Variants in PDE4A observed in about 807,000 individuals in gnomAD.
PDE4A encodes the protein 3',5'-cyclic-AMP phosphodiesterase 4A.
A neutral mutation model predicts 73.9 loss-of-function variants in PDE4A; 21 were observed. That is an observed-to-expected ratio of 0.28 (90% CI 0.20 to 0.41). The LOEUF (loss-of-function observed/expected upper bound fraction) is 0.41. Ranked by LOEUF, PDE4A falls within the 10% of genes least tolerant of loss-of-function variation. The pLI, the probability that PDE4A is intolerant of heterozygous loss-of-function variation, is 1.00. For missense variants in PDE4A, 958 were observed against 1,211.4 expected (o/e 0.79, Z 3.10); for synonymous variants, 463 against 505.4 (o/e 0.92, Z 1.13).
upstream of PDE4A, chr19:10,416,894 C>G (rs550679018): frequency 8.4e-5 from 129 of 1,535,168 alleles, 3 homozygotes; most frequent in South Asian, 1.0e-3. Flanking sequence ...GAGGCCCTGG[C>G]CCTGCCGACA....
intron 1 of PDE4A, chr19:10,430,715 C>A (rs1272573440): frequency 1.4e-5 from 3 of 211,324 alleles, no homozygotes; most frequent in African/African-American, 2.3e-5. Context: ...CAGCGCGAAG[C>A]CGGAAGGGCC....
At chr19:10,452,403 C>T (rs993285614) in intron 6 of PDE4A, among the ~76,000 whole-genome samples, 7 of 150,700 alleles carry the variant, frequency 4.6e-5, no homozygotes, top group African/African-American at 1.7e-4. Context: ...TGCCATTGCA[C>T]TCCAGCCTGG....
chr19:10,417,535 C>G, upstream of PDE4A: 1 of 1,440,330 alleles, frequency 6.9e-7, no homozygotes, highest in Non-Finnish European at 9.1e-7. Context: ...GTGGCTCACA[C>G]GTGAAGGGGA....
chr19:10,461,988 G>A lies in PDE4A; in HGVS notation c.1732G>A (p.Asp578Asn). 6.2e-7 allele frequency: 1 copy of A among 1,613,318 alleles called. No homozygotes were observed. Among genetic ancestry groups the A allele is most frequent in the Non-Finnish European group, 8.5e-7 (1 of 1,179,572 alleles). The change falls in exon 13 of 15, where the codon GAC becomes AAC. Residue 578 changes from aspartate to asparagine, a missense_variant. Asp to Asn is a conservative substitution (Grantham distance 23). Transcript: ENST00000380702. The part of the protein sequence containing the change: ...SGVLLLDNYS[D>N]RIQVLRNMVH... ...GGTCCTCCTGCTAGATAACTACTCC[G>A]ACCGCATCCAGGTGCCCCCACGCCC...
intron 1 of PDE4A, among the ~76,000 whole-genome samples, chr19:10,434,408 A>G (rs1177146219): frequency 2.6e-5 from 4 of 151,690 alleles, no homozygotes; most frequent in Admixed American, 2.6e-4. Flanking sequence ...GGGTTTCTCT[A>G]TGGTGGCCAG....
In PDE4A at chr19:10,420,933, C is replaced by A. The variant is rs201432982; in HGVS notation, c.169C>A (p.Arg57=). ...CTCCGACAGCGCGGAGCGCGCCGAG[C>A]GGGAGCGGCAGCCGCACCGGCCCAT... ...GYSDSAERAE[R]ERQPHRPIER... is the part of the protein sequence containing the mutation. The change falls in exon 1 of 15, where the codon CGG becomes AGG. Residue 57 remains arginine (R), a synonymous_variant. Coordinates refer to ENST00000380702, the MANE Select transcript of PDE4A (RefSeq NM_001111307.2). The surrounding 1 kb of genome is among the most constrained non-coding windows in gnomAD (Gnocchi z 6.0). The A allele has an allele frequency of 1.3e-6, 2 of 1,574,774 alleles. No homozygotes were observed. Among genetic ancestry groups the A allele is most frequent in the African/African-American group, 1.4e-5 (1 of 73,248 alleles).
chr19:10,423,789 C>T (rs990901178), intron 1 of PDE4A, among the ~76,000 whole-genome samples: 3 of 152,196 alleles, frequency 2.0e-5, no homozygotes, highest in Non-Finnish European at 4.4e-5. Context: ...CACATCCCCA[C>T]GTAGACTCGG....
At chr19:10,445,666 G>A in intron 1 of PDE4A, among the ~76,000 whole-genome samples, 1 of 151,402 alleles carries the variant, frequency 6.6e-6, no homozygotes, top group East Asian at 2.0e-4. Context: ...TACGCAGGAG[G>A]CTGAGGCAGA....
intron 13 of PDE4A, among the ~76,000 whole-genome samples, chr19:10,462,784 C>A (rs371305573): frequency 4.6e-5 from 7 of 152,160 alleles, no homozygotes; most frequent in Non-Finnish European, 7.3e-5. Context: ...CCCTCACCCC[C>A]CTTCCGACTC....
At chr19:10,440,391 A>G (rs945880819) in intron 1 of PDE4A, among the ~76,000 whole-genome samples, 3 of 152,076 alleles carry the variant, frequency 2.0e-5, no homozygotes, top group African/African-American at 7.2e-5. Context: ...TGCCTATTCA[A>G]GTCATTTGCC....
At chr19:10,417,325 G>C, upstream of PDE4A, 1 of 984,784 alleles carries the variant, frequency 1.0e-6, no homozygotes, top group Non-Finnish European at 1.2e-6. Context: ...ACCAAGAGGG[G>C]CCCTCTTAGA....
At position 10,450,846 on chromosome 19, in the gene PDE4A, T is replaced by C. The variant is rs780787620; in HGVS notation, c.688T>C (p.Leu230=). 1.2e-5 allele frequency: 19 copies of C among 1,610,944 alleles called. No individual in the cohort carries two copies. The highest frequency in any genetic ancestry group is 2.2e-5 in the East Asian group (1 of 44,810). The part of the protein sequence containing the change: ...ATLSEETCQQ[L]ARETLEELDW... The stretch of plus-strand genomic sequence containing the variant: ...TTCCTTAGAAGAAACGTGTCAGCAG[T>C]TGGCCCGGGAGACTCTGGAGGAGCT... Residue 230 remains leucine, a synonymous_variant, in exon 6 of 15, where the codon TTG becomes CTG. Coordinates refer to ENST00000380702, the MANE Select transcript of PDE4A (RefSeq NM_001111307.2).
At chr19:10,465,635 C>A (rs7247481) in intron 14 of PDE4A, among the ~76,000 whole-genome samples, 3 of 141,780 alleles carry the variant, frequency 2.1e-5, no homozygotes, top group Admixed American at 7.3e-5. Context: ...CACTTTATAA[C>A]GTAGTTATGT....
intron 1 of PDE4A, among the ~76,000 whole-genome samples, chr19:10,437,816 T>TTC (rs2042885247): frequency 6.6e-6 from 1 of 150,706 alleles, no homozygotes; most frequent in Non-Finnish European, 1.5e-5. Context: ...TGTTTTTTTT[T>TTC]TTTTTTGAGA....
At chr19:10,454,951 AG>A in intron 7 of PDE4A, 29 bp downstream of exon 7, 1 of 1,610,310 alleles carries the variant, frequency 6.2e-7, no homozygotes, top group South Asian at 1.1e-5. Context: ...GTGGGATTGG[AG>A]GGGGGACATT....
At position 10,469,257 on chromosome 19, in the gene PDE4A, A is replaced by G. The variant is rs2043436590; in HGVS notation, c.*1636A>G. 6.6e-6 allele frequency: 1 copy of G among 152,238 alleles called. No homozygotes were observed. Among genetic ancestry groups the G allele is most frequent in the South Asian group, 2.1e-4 (1 of 4,824 alleles). The allele number at this position is 152,238 out of a possible 1,614,324, so 9.4% of individuals were successfully genotyped here. A position where few individuals can be genotyped will look rare whatever the true frequency, so the allele number is the denominator to read the frequency against. On this transcript the variant is annotated 3_prime_UTR_variant, in exon 15 of 15. Transcript: ENST00000380702. Reference sequence around the variant, plus strand: ...ACGGAGGCAAAAAGGGAAAATAAAAACTTGCCCTTCCCTGGCTGACCCAGT... The same window carrying G: ...ACGGAGGCAAAAAGGGAAAATAAAAGCTTGCCCTTCCCTGGCTGACCCAGT...
intron 4 of PDE4A, among the ~76,000 whole-genome samples, chr19:10,449,575 G>T (rs557242459): frequency 7.9e-5 from 12 of 152,006 alleles, no homozygotes; most frequent in South Asian, 4.2e-4. Flanking sequence ...GGCCAGGCTG[G>T]TCTCAAACTC....
In PDE4A at chr19:10,467,592, G is replaced by A. The variant is rs201664388; in HGVS notation, c.2632G>A (p.Gly878Ser). 8 of 1,587,228 alleles carry A rather than the reference G, an allele frequency of 5.0e-6. No individual in the cohort carries two copies. The highest frequency in any genetic ancestry group is 6.9e-6 in the Non-Finnish European group (8 of 1,164,234). ...EDTSALPAPGGGGSGGDPT is the reference protein window; with the variant it reads ...EDTSALPAPGSGGSGGDPT ...CACATCCGCACTCCCAGCTCCTGGTGGCGGGGGGTCAGGTGGAGACCCTAC... is the reference window on the plus strand; with the variant it reads ...CACATCCGCACTCCCAGCTCCTGGTAGCGGGGGGTCAGGTGGAGACCCTAC... Residue 878 changes from glycine (G) to serine (S), a missense_variant, in exon 15 of 15, where the codon GGC (glycine) becomes AGC (serine). Physicochemically the swap from Gly to Ser is moderately conservative, Grantham distance 56. Transcript: ENST00000380702.
At chr19:10,431,567 C>T (rs534371049) in intron 1 of PDE4A, among the ~76,000 whole-genome samples, 1 of 152,210 alleles carries the variant, frequency 6.6e-6, no homozygotes, top group Non-Finnish European at 1.5e-5. Context: ...TGACAGGCCC[C>T]GAGGCCACAT....
Sources: allele counts gnomAD v4.1 joint callset (sites outside exome capture counted in the v4.1 genomes callset), GRCh38; gene constraint gnomAD v4.1.1; non-coding constraint Gnocchi (gnomAD v3.1); transcripts MANE v1.5; gene names NCBI Gene and HGNC (gene_info 2026-07-23, HGNC 2026-07-21).